The following NLGN1 variants were observed in gnomAD, a reference collection of about 807,000 sequenced individuals.
The protein encoded by NLGN1 is neuroligin-1.
Under a neutral mutation model 65.5 loss-of-function variants are expected in NLGN1, and 12 were observed. The ratio of observed to expected loss-of-function variants is 0.18; its 90% CI spans 0.12 to 0.30. The LOEUF (loss-of-function observed/expected upper bound fraction) is 0.30. NLGN1 is among the 10% of genes least tolerant of loss of function. The pLI is 1.00. For synonymous variants in NLGN1, 350 were observed against 359.5 expected, an observed-to-expected ratio of 0.97 and a Z score of 0.30; for missense variants, 750 against 1,007.1, an observed-to-expected ratio of 0.74 and a Z score of 3.46.
chr3:173,883,213 A>T (rs1251853081), intron 4 of NLGN1, among the ~76,000 whole-genome samples: 4 of 152,158 alleles, frequency 2.6e-5, no homozygotes, highest in Non-Finnish European at 5.9e-5. Flanking sequence ...AACGCTTAGC[A>T]GCCATTGAGG....
At chr3:173,900,093 A>G (rs1473148159) in intron 4 of NLGN1, among the ~76,000 whole-genome samples, 1 of 152,090 alleles carries the variant, frequency 6.6e-6, no homozygotes, top group African/African-American at 2.4e-5. Context: ...AAAGGGCAAA[A>G]CTTTGGAGCT....
chr3:173,830,472 A>T (rs1002744945), intron 4 of NLGN1, among the ~76,000 whole-genome samples: 3 of 152,204 alleles, frequency 2.0e-5, no homozygotes, highest in Non-Finnish European at 4.4e-5. Flanking sequence ...AGCTTTTATA[A>T]TCTGAATCTC....
chr3:173,748,627 TAAAC>T (rs1232551140), intron 3 of NLGN1, among the ~76,000 whole-genome samples: 4 of 152,238 alleles, frequency 2.6e-5, no homozygotes, highest in East Asian at 3.9e-4. Flanking sequence ...AGATGTAATA[TAAAC>T]AAACAAACAA....
intron 1 of NLGN1, among the ~76,000 whole-genome samples, chr3:173,419,409 A>G (rs1014351972): frequency 1.3e-5 from 2 of 151,826 alleles, no homozygotes; most frequent in African/African-American, 4.8e-5. Flanking sequence ...GGGGGCAGCT[A>G]GCATGTCTCT....
intron 4 of NLGN1, among the ~76,000 whole-genome samples, chr3:173,922,544 T>C (rs1230075958): frequency 6.6e-6 from 1 of 152,144 alleles, no homozygotes; most frequent in African/African-American, 2.4e-5. Context: ...CATAAAATTA[T>C]TTAAAATTTC....
At chr3:173,477,280 T>C (rs147928061) in intron 2 of NLGN1, among the ~76,000 whole-genome samples, 1,934 of 152,238 alleles carry the variant, frequency 0.013, 11 homozygotes, top group Non-Finnish European at 0.021. Context: ...GTGGTTCATG[T>C]CTGTAATCCC....
At chr3:173,739,123 G>A (rs906009429) in intron 3 of NLGN1, among the ~76,000 whole-genome samples, 2 of 151,976 alleles carry the variant, frequency 1.3e-5, no homozygotes, top group Non-Finnish European at 2.9e-5. Flanking sequence ...AGCTCCCCAA[G>A]CAGGAACTCA....
At chr3:173,531,252 G>T (rs2149182095) in intron 2 of NLGN1, among the ~76,000 whole-genome samples, 1 of 152,120 alleles carries the variant, frequency 6.6e-6, no homozygotes, top group Non-Finnish European at 1.5e-5. Flanking sequence ...ATATATAGAG[G>T]AATAGCACTT....
chr3:173,443,528 C>T (rs1354578126), intron 2 of NLGN1, among the ~76,000 whole-genome samples: 4 of 151,638 alleles, frequency 2.6e-5, no homozygotes, highest in Non-Finnish European at 5.9e-5. Flanking sequence ...AGTAAATAAA[C>T]ATATATATTG....
intron 4 of NLGN1, among the ~76,000 whole-genome samples, chr3:173,876,943 G>C (rs1182272370): frequency 6.6e-6 from 1 of 152,094 alleles, no homozygotes; most frequent in East Asian, 1.9e-4. Context: ...TAGAAAATCA[G>C]CATTTGGACA....
exon 7 of NLGN1, chr3:174,281,646 A>C: frequency 2.5e-5 from 5 of 198,888 alleles, no homozygotes; most frequent in East Asian, 1.2e-4. Context: ...AAAATAAAAA[A>C]ACAACTATGA....
chr3:173,742,191 C>T (rs1774754014), intron 3 of NLGN1, among the ~76,000 whole-genome samples: 1 of 152,068 alleles, frequency 6.6e-6, no homozygotes, highest in East Asian at 1.9e-4. Flanking sequence ...TTTCCCTTTA[C>T]AAGGCTGCAG....
chr3:174,136,482 G>A (rs888800593), intron 4 of NLGN1: 1 of 152,066 alleles, frequency 6.6e-6, no homozygotes, highest in Non-Finnish European at 1.5e-5. Context: ...ACATTGTTTT[G>A]ACAGTGAAAA....
At chr3:174,220,095 C>CTG (rs5854556) in intron 4 of NLGN1, among the ~76,000 whole-genome samples, 109,538 of 151,436 alleles carry the variant, frequency 0.72, 39,698 homozygotes, top group East Asian at 0.8. Context: ...ACAACACTAA[C>CTG]GAAAACAGAG....
chr3:173,954,852 A>G (rs1711581501), intron 4 of NLGN1, among the ~76,000 whole-genome samples: 1 of 152,176 alleles, frequency 6.6e-6, no homozygotes, highest in South Asian at 2.1e-4. Context: ...ATTAGCTCAT[A>G]AATATGAGAA....
At chr3:174,167,717 C>A (rs1460462210) in intron 4 of NLGN1, among the ~76,000 whole-genome samples, 3 of 147,110 alleles carry the variant, frequency 2.0e-5, no homozygotes, top group East Asian at 4.1e-4. Context: ...CATAAGTGTT[C>A]TTTTCATTTC....
At chr3:173,582,314 C>T (rs924371484) in intron 2 of NLGN1, among the ~76,000 whole-genome samples, 3 of 151,626 alleles carry the variant, frequency 2.0e-5, no homozygotes, top group South Asian at 4.1e-4. Flanking sequence ...CTGTTTTTTT[C>T]TCTTTCAAAT....
At chr3:174,018,413 C>T (rs1579799505) in intron 4 of NLGN1, among the ~76,000 whole-genome samples, 1 of 151,998 alleles carries the variant, frequency 6.6e-6, no homozygotes, top group Admixed American at 6.6e-5. Context: ...GATAAGTGTC[C>T]ATGAAATCTT....
At chr3:173,724,268 T>G (rs1771380429) in intron 3 of NLGN1, among the ~76,000 whole-genome samples, 1 of 152,184 alleles carries the variant, frequency 6.6e-6, no homozygotes, top group South Asian at 2.1e-4. Context: ...GTTTCTCCAT[T>G]TTTCACTACT....
Sources: allele counts gnomAD v4.1 joint callset (sites outside exome capture counted in the v4.1 genomes callset), GRCh38; gene constraint gnomAD v4.1.1; transcripts MANE v1.5; gene names NCBI Gene and HGNC (gene_info 2026-07-23, HGNC 2026-07-21).